CMKLR1: variants seen among roughly 807,000 people sequenced by gnomAD.
CMKLR1 encodes the protein chemerin chemokine-like receptor 1, also known as chemerin-like receptor 1.
In CMKLR1, 6 loss-of-function variants were observed where a neutral mutation model predicts 8.2. The observed-to-expected ratio is 0.73, with a 90% CI of 0.40 to 1.44. The LOEUF (loss-of-function observed/expected upper bound fraction) is 1.44. CMKLR1 is among the 40% of genes most tolerant of loss of function. The pLI is 0.02. For missense variants in CMKLR1, 429 were observed against 478.0 expected, an observed-to-expected ratio of 0.90 and a Z score of 0.96; for synonymous variants, 178 against 181.2, an observed-to-expected ratio of 0.98 and a Z score of 0.14.
intron 2 of CMKLR1, among the ~76,000 whole-genome samples, chr12:108,306,807 G>A (rs565110731): frequency 5.3e-5 from 8 of 152,212 alleles, no homozygotes; most frequent in African/African-American, 1.2e-4. Context: ...ATGAGAACAC[G>A]CCCTTGCAAA....
intron 2 of CMKLR1, among the ~76,000 whole-genome samples, chr12:108,294,332 G>A (rs954978782): frequency 4.6e-5 from 7 of 152,170 alleles, no homozygotes; most frequent in Admixed American, 6.5e-5. Flanking sequence ...CTGAGCCTCC[G>A]CTGTGCAGAC....
chr12:108,293,243 A>C (rs1333928243), intron 3 of CMKLR1, among the ~76,000 whole-genome samples: 2 of 152,162 alleles, frequency 1.3e-5, no homozygotes, highest in South Asian at 2.1e-4. Context: ...AGTCACAGAG[A>C]GCTTATGTCA....
At position 108,291,267 on chromosome 12, in the gene CMKLR1, C is replaced by T. The variant is rs541920158; in HGVS notation, c.*574G>A. The stretch of plus-strand genomic sequence containing the variant: ...CAGTTCTCTGTCTTCCTAGCTGATC[C>T]GAAAGCCAAATTCATGGCCTATGGA... On this transcript the variant is annotated 3_prime_UTR_variant, in exon 4 of 4. Transcript: ENST00000550402. The T allele has an allele frequency of 3.8e-4, 58 of 153,094 alleles. No homozygotes were observed. The highest frequency in any genetic ancestry group is 9.7e-4 in the Admixed American group (15 of 15,392). 9.5% of individuals were successfully genotyped at this position (153,094 alleles called of 1,614,324 possible).
intron 1 of CMKLR1, among the ~76,000 whole-genome samples, chr12:108,331,050 G>C (rs1314157581): frequency 2.0e-5 from 3 of 152,184 alleles, no homozygotes; most frequent in African/African-American, 7.2e-5. Flanking sequence ...AGCCAGACAA[G>C]CATGTCTCCC....
At chr12:108,311,682 G>A (rs192383235) in intron 2 of CMKLR1, among the ~76,000 whole-genome samples, 4 of 152,200 alleles carry the variant, frequency 2.6e-5, no homozygotes, top group African/African-American at 2.4e-5. Flanking sequence ...CAGCATAGAG[G>A]GGGAGAGCTG....
chr12:108,303,103 G>C (rs1044400487), intron 2 of CMKLR1, among the ~76,000 whole-genome samples: 11 of 152,236 alleles, frequency 7.2e-5, no homozygotes, highest in African/African-American at 2.7e-4. Context: ...CAGGCAGGGG[G>C]CCAAACATGC....
chr12:108,337,137 G>A (rs534338762), intron 1 of CMKLR1, among the ~76,000 whole-genome samples: 1 of 152,316 alleles, frequency 6.6e-6, no homozygotes, highest in East Asian at 1.9e-4. Flanking sequence ...AGACCAAGGT[G>A]CCCCTTCTTG....
In CMKLR1 at chr12:108,304,207, T is replaced by C. The variant is rs114061704; in HGVS notation, c.-73-10543A>G. On this transcript the variant is annotated intron_variant, in intron 2 of 3. Transcript: ENST00000550402. Reference sequence around the variant, plus strand: ...TGGGTCGACTTGGCCACAGCTATACTCTCCAGGCACCAAGAACCACTGCTC... The same window carrying C: ...TGGGTCGACTTGGCCACAGCTATACCCTCCAGGCACCAAGAACCACTGCTC... Among the ~76,000 whole-genome samples, 555 of 152,194 alleles carry C rather than the reference T, an allele frequency of 3.6e-3. 4 individuals carry two copies. Among genetic ancestry groups the C allele is most frequent in the African/African-American group, 0.013 (532 of 41,520 alleles).
intron 1 of CMKLR1, among the ~76,000 whole-genome samples, chr12:108,336,549 GAA>G (rs771587283): frequency 7.3e-5 from 10 of 136,784 alleles, no homozygotes; most frequent in African/African-American, 5.4e-5. Context: ...CCATCTCCAG[GAA>G]AAAAAAAAAA....
intron 2 of CMKLR1, among the ~76,000 whole-genome samples, chr12:108,309,990 C>G (rs990392985): frequency 1.3e-5 from 2 of 152,122 alleles, no homozygotes; most frequent in Non-Finnish European, 2.9e-5. Context: ...GAGTGTGTGG[C>G]CCTGGCTCTG....
intron 2 of CMKLR1, among the ~76,000 whole-genome samples, chr12:108,326,995 G>A (rs1891994494): frequency 6.6e-6 from 1 of 152,084 alleles, no homozygotes; most frequent in Admixed American, 6.6e-5. Context: ...AAAAAACTGA[G>A]GCTGAGAGAG....
At position 108,291,124 on chromosome 12, in the gene CMKLR1, A is replaced by G. The variant is rs1890950835; in HGVS notation, c.*717T>C. On this transcript the variant is annotated 3_prime_UTR_variant, in exon 4 of 4. Coordinates refer to ENST00000550402, the MANE Select transcript of CMKLR1 (RefSeq NM_001142343.2). ...GCGATGTTCTAGGGTGAGCTGCTCC[A>G]TGCCTGCATCCTTTAAAGGTTCTTT... 6.6e-6 allele frequency: 1 copy of G among 152,328 alleles called. No individual in the cohort carries two copies. Among genetic ancestry groups the G allele is most frequent in the Admixed American group, 6.5e-5 (1 of 15,282 alleles). 9.4% of individuals were successfully genotyped at this position (152,328 alleles called of 1,614,324 possible). A position where few individuals can be genotyped will look rare whatever the true frequency, so the allele number is the denominator to read the frequency against.
chr12:108,300,307 G>A (rs1182733671), intron 2 of CMKLR1, among the ~76,000 whole-genome samples: 1 of 152,138 alleles, frequency 6.6e-6, no homozygotes, highest in African/African-American at 2.4e-5. Flanking sequence ...TCACATTGGG[G>A]TCACTTCTGC....
At position 108,291,921 on chromosome 12, in the gene CMKLR1, G is replaced by A. The variant is rs1187496156; in HGVS notation, c.1042C>T (p.Pro348Ser). 6.2e-7 allele frequency: 1 copy of A among 1,614,168 alleles called. No individual in the cohort carries two copies. Among genetic ancestry groups the A allele is most frequent in the Non-Finnish European group, 8.5e-7 (1 of 1,180,034 alleles). The change falls in exon 4 of 4, where the codon CCC (proline) becomes TCC (serine). Residue 348 changes from proline (P) to serine (S), a missense_variant. Coordinates refer to ENST00000550402, the MANE Select transcript of CMKLR1 (RefSeq NM_001142343.2). Reference protein sequence around the residue: ...LSEDTGHSSYPSHRSFTKMSS... With the variant: ...LSEDTGHSSYSSHRSFTKMSS... ...ATCTTGGTAAAGCTTCTATGGCTGG[G>A]GTAGGAAGAGTGGCCTGTATCTTCA... is the stretch of plus-strand genomic sequence containing the variant.
At position 108,320,290 on chromosome 12, in the gene CMKLR1, C is replaced by T. The variant is rs189823638; in HGVS notation, c.-74+9705G>A. ...TAGAGTTTCAGCCAGAACATATGGA[C>T]CCCAGTGTCTCTAAAATCCCAAAGG... On this transcript the variant is annotated intron_variant, in intron 2 of 3. Transcript: ENST00000550402. Among the ~76,000 whole-genome samples, 4 of 152,158 alleles carry T rather than the reference C, an allele frequency of 2.6e-5. No homozygotes were observed. In the East Asian group the frequency reaches 7.7e-4, roughly 29 times the overall value.
At chr12:108,322,679 C>T (rs1168969690) in intron 2 of CMKLR1, among the ~76,000 whole-genome samples, 1 of 152,018 alleles carries the variant, frequency 6.6e-6, no homozygotes, top group African/African-American at 2.4e-5. Flanking sequence ...TCCCTCTCTC[C>T]CTCCTCTCCT....
At position 108,290,233 on chromosome 12, in the gene CMKLR1, T is replaced by G. The variant is rs930505235; in HGVS notation, c.*1608A>C. 3 of 152,214 alleles carry G rather than the reference T, an allele frequency of 2.0e-5. No individual in the cohort carries two copies. Among genetic ancestry groups the G allele is most frequent in the Non-Finnish European group, 4.4e-5 (3 of 68,038 alleles). The allele number at this position is 152,214 out of a possible 1,614,324, so 9.4% of individuals were successfully genotyped here. On this transcript the variant is annotated 3_prime_UTR_variant, in exon 4 of 4. Transcript: ENST00000550402. ...ATATTTATGGCAAAAATCTCCAAAC[T>G]TTTTAAGTCCTTCCCAACTCTGCAG...
At chr12:108,330,888 A>G (rs1892088488) in intron 1 of CMKLR1, among the ~76,000 whole-genome samples, 1 of 152,146 alleles carries the variant, frequency 6.6e-6, no homozygotes, top group African/African-American at 2.4e-5. Flanking sequence ...CCTCAAGCCA[A>G]CACATATCCC....
intron 1 of CMKLR1, among the ~76,000 whole-genome samples, chr12:108,330,812 T>C (rs959846910): frequency 3.3e-5 from 5 of 152,144 alleles, no homozygotes; most frequent in South Asian, 2.1e-4. Context: ...CTGAGCCCCA[T>C]TGATAGTAGA....
Sources: allele counts gnomAD v4.1 joint callset (sites outside exome capture counted in the v4.1 genomes callset), GRCh38; gene constraint gnomAD v4.1.1; transcripts MANE v1.5; gene names NCBI Gene and HGNC (gene_info 2026-07-23, HGNC 2026-07-21).